Variants in SLC17A2 observed in about 807,000 individuals in gnomAD.
SLC17A2 encodes solute carrier family 17 member 2.
A neutral mutation model predicts 52.1 loss-of-function variants in SLC17A2; 38 were observed. The observed-to-expected ratio is 0.73, with a 90% confidence interval of 0.56 to 0.96. The LOEUF is 0.96. Among genes scored for constraint, SLC17A2 ranks in the 40% least tolerant of loss-of-function variants. The pLI is 0.00. For missense variants in SLC17A2, 508 were observed against 583.9 expected, an observed-to-expected ratio of 0.87 and a Z score of 1.34; for synonymous variants, 226 against 211.9, an observed-to-expected ratio of 1.07 and a Z score of -0.58.
At position 25,925,883 on chromosome 6, in the gene SLC17A2, T is replaced by C. The variant is rs1766746894; in HGVS notation, c.-83-4A>G. 7.6e-7 allele frequency: 1 copy of C among 1,313,364 alleles called. No individual in the cohort carries two copies. Among genetic ancestry groups the C allele is most frequent in the Non-Finnish European group, 1.1e-6 (1 of 905,710 alleles). The allele number at this position is 1,313,364 out of a possible 1,614,324, so 81.4% of individuals were successfully genotyped here. Reference sequence around the variant, plus strand: ...TTTTACTACGACAGTCTTTTATCTATGGAGAGAACATAATCCAAAACATAA... The same window carrying C: ...TTTTACTACGACAGTCTTTTATCTACGGAGAGAACATAATCCAAAACATAA... On this transcript the variant is annotated splice_polypyrimidine_tract_variant and splice_region_variant and intron_variant, in intron 1 of 11. Transcript: ENST00000377850.
chr6:25,918,720 TC>T (rs1396746371), intron 5 of SLC17A2, 147 bp from the exon 6 acceptor site: 6 of 600,418 alleles, frequency 1.0e-5, no homozygotes, highest in Admixed American at 5.7e-5. Context: ...TCACAGATTT[TC>T]CCCAGTAAAG....
Position 25,916,799 on chromosome 6 carries a change from G to A in SLC17A2, c.816C>T (p.Cys272=). 3 of 1,614,178 alleles carry A rather than the reference G, an allele frequency of 1.9e-6. No individual in the cohort carries two copies. Among genetic ancestry groups the A allele is most frequent in the Non-Finnish European group, 2.5e-6 (3 of 1,180,032 alleles). The change falls in exon 8 of 12, where the codon TGC becomes TGT. Residue 272 remains cysteine (C), a synonymous_variant. Coordinates refer to ENST00000377850, the MANE Select transcript of SLC17A2 (RefSeq NM_001286123.3). ...CCAGGAAAATGGCCCAAAGTGGTAG[G>A]CATGTGACCATCGCCTTTATGGGGA... is the stretch of plus-strand genomic sequence containing the variant. ...RAVPIKAMVT[C]LPLWAIFLGF...
intron 5 of SLC17A2, among the ~76,000 whole-genome samples, chr6:25,919,884 C>A (rs780441719): frequency 1.3e-5 from 2 of 151,950 alleles, no homozygotes; most frequent in Non-Finnish European, 2.9e-5. Context: ...ATGTCCAGTG[C>A]CACTGGAGCC....
At chr6:25,915,351 A>T (rs1474680347) in intron 10 of SLC17A2, 148 bp downstream of exon 10, 1 of 721,278 alleles carries the variant, frequency 1.4e-6, no homozygotes, top group Non-Finnish European at 2.1e-6. Context: ...TTGTTGTTCT[A>T]AAAATGGCCA....
intron 1 of SLC17A2, 43 bp from the exon 2 acceptor site, chr6:25,925,922 T>C: frequency 9.6e-7 from 1 of 1,045,002 alleles, no homozygotes; most frequent in Non-Finnish European, 1.5e-6. Flanking sequence ...ACAAATAATT[T>C]CCCCTTGTTA....
intron 11 of SLC17A2, 77 bp from the exon 12 acceptor site, chr6:25,913,528 G>A: frequency 7.5e-7 from 1 of 1,338,690 alleles, no homozygotes; most frequent in Non-Finnish European, 1.1e-6. Flanking sequence ...TCCCAGTTGT[G>A]TATTGCAATG....
chr6:25,916,898 C>A, intron 7 of SLC17A2, 52 bp from the exon 8 acceptor site: 2 of 1,609,080 alleles, frequency 1.2e-6, no homozygotes, highest in Non-Finnish European at 1.7e-6. Flanking sequence ...AAGATGGTGC[C>A]TCTCAGAGGA....
rs552297263 is a variant in SLC17A2, at chr6:25,919,572, C to T, written c.563-999G>A. Among the ~76,000 whole-genome samples, 7 of 151,168 alleles carry T rather than the reference C, an allele frequency of 4.6e-5. No individual in the cohort carries two copies. The East Asian group carries it at 1.2e-3, about 25-fold the overall frequency. The stretch of plus-strand genomic sequence containing the variant: ...AAAATTAGCCGGTCATGGTGGCAGG[C>T]GCCTGTAGTCCCAGCTACTCGGGAG... On this transcript the variant is annotated intron_variant, in intron 5 of 11. Transcript: ENST00000377850.
chr6:25,916,039 A>T (rs1766300032), intron 8 of SLC17A2, among the ~76,000 whole-genome samples, 171 bp from the exon 9 acceptor site: 1 of 152,162 alleles, frequency 6.6e-6, no homozygotes, highest in Non-Finnish European at 1.5e-5. Flanking sequence ...GAGGGCCAGA[A>T]GCTGCATCAC....
chr6:25,917,041 A>G lies in SLC17A2; in HGVS notation c.696T>C (p.Tyr232=), dbSNP rs754992242. The change falls in exon 7 of 12, where the codon TAT becomes TAC. Residue 232 remains tyrosine, a synonymous_variant. Coordinates refer to ENST00000377850, the MANE Select transcript of SLC17A2 (RefSeq NM_001286123.3). ...VCCLLWFTVI[Y]DDPMHHPCIS... ...TGCACGGGTGATGCATGGGGTCATC[A>G]TAAATCACTGTGAACCATAGGAGAC... 3.1e-6 allele frequency: 5 copies of G among 1,614,192 alleles called. No individual in the cohort carries two copies. In the Admixed American group the frequency reaches 8.3e-5, roughly 27 times the overall value.
At chr6:25,925,070 A>G (rs546840868) in intron 2 of SLC17A2, among the ~76,000 whole-genome samples, 68 of 152,284 alleles carry the variant, frequency 4.5e-4, no homozygotes, top group African/African-American at 1.5e-3. Flanking sequence ...TGGAAGAAAT[A>G]ATTTTTAATG....
chr6:25,926,708 C>T (rs1253075356), intron 1 of SLC17A2, among the ~76,000 whole-genome samples: 1 of 152,174 alleles, frequency 6.6e-6, no homozygotes, highest in Non-Finnish European at 1.5e-5. Context: ...ATTGAAGCTT[C>T]TATGACTTTA....
intron 8 of SLC17A2, 49 bp from the exon 9 acceptor site, chr6:25,915,917 CA>C: frequency 6.3e-7 from 1 of 1,575,746 alleles, no homozygotes. Context: ...ACGTTAGCAC[CA>C]AAATTTGTCA....
intron 3 of SLC17A2, among the ~76,000 whole-genome samples, chr6:25,921,913 C>T (rs1326682974): frequency 6.6e-6 from 1 of 151,902 alleles, no homozygotes; most frequent in Non-Finnish European, 1.5e-5. Flanking sequence ...AGATCACATT[C>T]TTCTGATATA....
Position 25,921,021 on chromosome 6 carries a change from T to C in SLC17A2, c.547A>G (p.Thr183Ala). The C allele has an allele frequency of 6.2e-7, 1 of 1,614,186 alleles. No homozygotes were observed. The highest frequency in any genetic ancestry group is 8.5e-7 in the Non-Finnish European group (1 of 1,180,016). The change falls in exon 5 of 12, where the codon ACC (threonine) becomes GCC (alanine). Residue 183 changes from threonine (T) to alanine (A), a missense_variant. Coordinates refer to ENST00000377850, the MANE Select transcript of SLC17A2 (RefSeq NM_001286123.3). ...APPLERSKLTTIAGSGSAFGS... is the reference protein window; with the variant it reads ...APPLERSKLTAIAGSGSAFGS... ...GCACACTTACCTGATCCTGCAATGG[T>C]GGTGAGCTTGCTTCGTTCAAGTGGA... is the stretch of plus-strand genomic sequence containing the variant.
Position 25,915,582 on chromosome 6 carries a change from G to T in SLC17A2, c.1128C>A (p.Thr376=). The change falls in exon 10 of 12, where the codon ACC becomes ACA. Residue 376 remains threonine, a synonymous_variant. Coordinates refer to ENST00000377850, the MANE Select transcript of SLC17A2 (RefSeq NM_001286123.3). ...LPFVASSYVI[T]IILLILIPGT... is the part of the protein sequence containing the mutation. ...CAGGAATAAGTATCAGCAAAATAAT[G>T]GTTATCACGTAACTGGAGGCCACAA... 1 of 1,610,942 alleles carries T rather than the reference G, an allele frequency of 6.2e-7. No individual in the cohort carries two copies. The highest frequency in any genetic ancestry group is 8.5e-7 in the Non-Finnish European group (1 of 1,178,482).
chr6:25,915,177 A>ATATATATATATATATATATATACATATG (rs1554137783), intron 10 of SLC17A2, among the ~76,000 whole-genome samples: 1 of 108,028 alleles, frequency 9.3e-6, no homozygotes, highest in Non-Finnish European at 2.0e-5. Flanking sequence ...ATATATATAT[A>ATATATATATATATATATATATACATATG]TGGTAGCTAA....
intron 6 of SLC17A2, 93 bp from the exon 7 acceptor site, chr6:25,917,180 A>G: frequency 2.4e-6 from 2 of 826,738 alleles, no homozygotes; most frequent in Admixed American, 1.7e-5. Context: ...CCTTCTACAC[A>G]CTAATCAATT....
At position 25,916,793 on chromosome 6, in the gene SLC17A2, T is replaced by A; in HGVS notation, c.822A>T (p.Pro274=). The change falls in exon 8 of 12, where the codon CCA becomes CCT. Residue 274 remains proline, a synonymous_variant. Transcript: ENST00000377850. The part of the protein sequence containing the change: ...VPIKAMVTCL[P]LWAIFLGFFS... ...AAAAACCCAGGAAAATGGCCCAAAG[T>A]GGTAGGCATGTGACCATCGCCTTTA... The A allele has an allele frequency of 6.2e-7, 1 of 1,613,984 alleles. No individual in the cohort carries two copies.
Sources: gnomAD v4.1 joint callset for allele counts (sites outside exome capture counted in the v4.1 genomes callset) on GRCh38, gnomAD v4.1.1 for gene constraint, MANE v1.5 for transcripts, NCBI Gene and HGNC (gene_info 2026-07-23, HGNC 2026-07-21) for gene names.